Variants in LCN1 observed in about 807,000 individuals in gnomAD.
The protein encoded by LCN1 is lipocalin 1, also known as lipocalin-1.
A neutral mutation model predicts 22.3 loss-of-function variants in LCN1; 25 were observed. The observed-to-expected ratio is 1.12, with a 90% CI of 0.82 to 1.56. The LOEUF (loss-of-function observed/expected upper bound fraction) is 1.56, where lower values mean the gene tolerates loss of function less well. Ranked by LOEUF, LCN1 falls within the 40% of genes most tolerant of loss-of-function variation. LCN1 has a pLI of 0.00. For synonymous variants in LCN1, 85 were observed against 97.6 expected, an observed-to-expected ratio of 0.87 and a Z score of 0.76; for missense variants, 219 against 235.6, an observed-to-expected ratio of 0.93 and a Z score of 0.46.
intron 3 of LCN1, 39 bp from the exon 4 acceptor site, chr9:135,523,841 T>C: frequency 6.4e-7 from 1 of 1,560,726 alleles, no homozygotes; most frequent in Non-Finnish European, 8.8e-7. Flanking sequence ...CTGAAGTCCC[T>C]GGTGGCTAAT....
chr9:135,524,176 C>T (rs1419361904), intron 4 of LCN1, among the ~76,000 whole-genome samples, 186 bp downstream of exon 4: 16 of 152,116 alleles, frequency 1.1e-4, no homozygotes, highest in Admixed American at 9.8e-4. Flanking sequence ...TTTGGGATGC[C>T]CCGGCCTCGG....
chr9:135,525,623 C>T (rs780329248), intron 6 of LCN1, among the ~76,000 whole-genome samples: 6 of 152,092 alleles, frequency 3.9e-5, no homozygotes, highest in South Asian at 2.1e-4. Context: ...GAGACTCGCC[C>T]AAGGTCACCT....
At position 135,523,882 on chromosome 9, in the gene LCN1, G is replaced by A. The variant is rs371082125; in HGVS notation, c.295G>A (p.Gly99Arg). 2.1e-5 allele frequency: 34 copies of A among 1,612,550 alleles called. No individual in the cohort carries two copies. Among genetic ancestry groups the A allele is most frequent in the Middle Eastern group, 1.7e-4 (1 of 6,058 alleles). The change falls in exon 4 of 7, where the codon GGG (glycine) becomes AGG (arginine). Residue 99 changes from glycine (G) to arginine (R), a missense_variant and splice_region_variant. Transcript: ENST00000371781. ...TDEPGKYTAD[G>R]GKHVAYIIRS... The stretch of plus-strand genomic sequence containing the variant: ...AATGTGCTGCTGTCTTTCTGCAGAC[G>A]GGGGCAAGCACGTGGCATACATCAT...
chr9:135,523,767 TG>T, intron 3 of LCN1, 112 bp from the exon 4 acceptor site: 1 of 844,846 alleles, frequency 1.2e-6, no homozygotes. Context: ...TCTGGGAGGC[TG>T]GGAGGGTGCA....
intron 2 of LCN1, among the ~76,000 whole-genome samples, chr9:135,522,459 C>T (rs1453241515): frequency 6.6e-6 from 1 of 152,246 alleles, no homozygotes; most frequent in South Asian, 2.1e-4. Context: ...GACGTGCAGG[C>T]CCCTTTGGGA....
chr9:135,522,461 C>T (rs553638803), intron 2 of LCN1, among the ~76,000 whole-genome samples: 5 of 152,358 alleles, frequency 3.3e-5, no homozygotes, highest in Admixed American at 6.5e-5. Flanking sequence ...CGTGCAGGCC[C>T]CTTTGGGAAA....
intron 6 of LCN1, among the ~76,000 whole-genome samples, chr9:135,525,771 C>T (rs1831625633): frequency 1.3e-5 from 2 of 151,982 alleles, no homozygotes; most frequent in South Asian, 4.1e-4. Flanking sequence ...GTCCCTGCTC[C>T]ATCCGCTCCA....
rs752683525 is a variant in LCN1, at chr9:135,522,043, C to G, written c.91-4C>G. 1.4e-5 allele frequency: 22 copies of G among 1,592,250 alleles called. No homozygotes were observed. The highest frequency in any genetic ancestry group is 8.5e-7 in the Non-Finnish European group (1 of 1,169,816). ...TGAGCCTGATAGAGAGGGGCCTTCTCCAGGTGTCAGGGACGTGGTATCTGA... is the reference window on the plus strand; with the variant it reads ...TGAGCCTGATAGAGAGGGGCCTTCTGCAGGTGTCAGGGACGTGGTATCTGA... On this transcript the variant is annotated splice_polypyrimidine_tract_variant and splice_region_variant and intron_variant, in intron 1 of 6. Coordinates refer to ENST00000371781, the MANE Select transcript of LCN1 (RefSeq NM_002297.4).
chr9:135,523,906 A>G lies in LCN1; in HGVS notation c.319A>G (p.Ile107Val), dbSNP rs779427557. 6.8e-6 allele frequency: 11 copies of G among 1,613,922 alleles called. No homozygotes were observed. Among genetic ancestry groups the G allele is most frequent in the Non-Finnish European group, 9.3e-6 (11 of 1,179,968 alleles). The change falls in exon 4 of 7, where the codon ATC becomes GTC. Residue 107 changes from isoleucine to valine, a missense_variant. Transcript: ENST00000371781. ...CGGGGGCAAGCACGTGGCATACATC[A>G]TCAGGTCGCACGTGAAGGACCACTA... ...ADGGKHVAYIIRSHVKDHYIF... is the reference protein window; with the variant it reads ...ADGGKHVAYIVRSHVKDHYIF...
At chr9:135,523,783 C>A in intron 3 of LCN1, 97 bp from the exon 4 acceptor site, 1 of 987,996 alleles carries the variant, frequency 1.0e-6, no homozygotes, top group Non-Finnish European at 1.6e-6. Context: ...GGTGCAGGAG[C>A]TGCGGGGCTT....
chr9:135,525,063 C>T lies in LCN1; in HGVS notation c.506-69C>T, dbSNP rs1293849495. On this transcript the variant is annotated intron_variant, in intron 5 of 6. Transcript: ENST00000371781. ...CTTCCTGGGGTGGTGGAGCTGGTGG[C>T]TGATGAGGGGCCCCGGTCCTGACTG... 6 of 1,580,870 alleles carry T rather than the reference C, an allele frequency of 3.8e-6. No individual in the cohort carries two copies. In the East Asian group the frequency reaches 1.4e-4, roughly 36 times the overall value.
At position 135,523,057 on chromosome 9, in the gene LCN1, C is replaced by T. The variant is rs193057580; in HGVS notation, c.222-175C>T. Among the ~76,000 whole-genome samples, 735 of 152,294 alleles carry T rather than the reference C, an allele frequency of 4.8e-3. 3 individuals are homozygous for T. The highest frequency in any genetic ancestry group is 8.2e-3 in the Non-Finnish European group (555 of 68,028). ...CATCTCGGGAGACCCCGGGAACTGC[C>T]GCATGGGACCCGGAGGGGCCGCTGG... On this transcript the variant is annotated intron_variant, in intron 2 of 6. Coordinates refer to ENST00000371781, the MANE Select transcript of LCN1 (RefSeq NM_002297.4).
chr9:135,523,067 C>T (rs909183775), intron 2 of LCN1, among the ~76,000 whole-genome samples, 165 bp from the exon 3 acceptor site: 12 of 152,202 alleles, frequency 7.9e-5, no homozygotes, highest in African/African-American at 2.9e-4. Context: ...CGCATGGGAC[C>T]CGGAGGGGCC....
intron 2 of LCN1, 90 bp downstream of exon 2, chr9:135,522,267 G>A: frequency 2.0e-6 from 3 of 1,467,130 alleles, no homozygotes; most frequent in Non-Finnish European, 1.8e-6. Flanking sequence ...CTGGGGAGGT[G>A]GGCAGACCTG....
chr9:135,522,630 C>T (rs1309733209), intron 2 of LCN1, among the ~76,000 whole-genome samples: 7 of 152,198 alleles, frequency 4.6e-5, no homozygotes, highest in Non-Finnish European at 1.0e-4. Flanking sequence ...CTCACCTGTG[C>T]GGCTCTCACC....
At chr9:135,523,188 G>A (rs1564229219) in intron 2 of LCN1, 44 bp from the exon 3 acceptor site, 2 of 1,580,284 alleles carry the variant, frequency 1.3e-6, no homozygotes, top group Non-Finnish European at 1.7e-6. Flanking sequence ...GGCCGGGGGA[G>A]GCACAGGCCA....
At chr9:135,526,286 T>A in intron 6 of LCN1, 58 bp from the exon 7 acceptor site, 13 of 312,034 alleles carry the variant, frequency 4.2e-5, no homozygotes, top group Non-Finnish European at 5.5e-5. Flanking sequence ...CGCCCCCACA[T>A]TGCATCCCCC....
intron 5 of LCN1, 87 bp from the exon 6 acceptor site, chr9:135,525,045 G>A: frequency 6.4e-7 from 1 of 1,567,512 alleles, no homozygotes; most frequent in South Asian, 1.1e-5. Flanking sequence ...GTCCTTCCTG[G>A]GGTGGTGGAG....
At position 135,522,052 on chromosome 9, in the gene LCN1, A is replaced by G. The variant is rs1395524094; in HGVS notation, c.96A>G (p.Ser32=). The G allele has an allele frequency of 5.7e-6, 9 of 1,592,742 alleles. No individual in the cohort carries two copies. In the East Asian group the frequency reaches 1.8e-4, roughly 32 times the overall value. ...LASDEEIQDV[S]GTWYLKAMTV... is the part of the protein sequence containing the mutation. ...TAGAGAGGGGCCTTCTCCAGGTGTC[A>G]GGGACGTGGTATCTGAAGGCCATGA... Residue 32 remains serine, a synonymous_variant, in exon 2 of 7, where the codon TCA becomes TCG. Coordinates refer to ENST00000371781, the MANE Select transcript of LCN1 (RefSeq NM_002297.4).
Sources: gnomAD v4.1 joint callset for allele counts (sites outside exome capture counted in the v4.1 genomes callset) on GRCh38, gnomAD v4.1.1 for gene constraint, MANE v1.5 for transcripts, NCBI Gene and HGNC (gene_info 2026-07-23, HGNC 2026-07-21) for gene names.